Variants in CPEB3 observed in about 807,000 individuals in gnomAD.
CPEB3 encodes the protein cytoplasmic polyadenylation element-binding protein 3.
A neutral mutation model predicts 67.2 loss-of-function variants in CPEB3; 20 were observed. That is an observed-to-expected ratio of 0.30 (90% CI 0.21 to 0.43). The LOEUF is 0.43. Ranked by LOEUF, CPEB3 falls within the 20% of genes least tolerant of loss-of-function variation. The pLI is 1.00. For synonymous variants in CPEB3, 376 were observed against 393.1 expected, an observed-to-expected ratio of 0.96 and a Z score of 0.51; for missense variants, 746 against 968.6, an observed-to-expected ratio of 0.77 and a Z score of 3.05.
At chr10:92,238,714 TAGTG>T (rs1353714614) in intron 2 of CPEB3, among the ~76,000 whole-genome samples, 1 of 152,074 alleles carries the variant, frequency 6.6e-6, no homozygotes, top group Non-Finnish European at 1.5e-5. Context: ...CCTTACACAG[TAGTG>T]AGTGTTTATT....
intron 1 of CPEB3, among the ~76,000 whole-genome samples, chr10:92,261,437 CTGTTTTGTTT>C (rs546721297): frequency 3.3e-5 from 5 of 151,736 alleles, no homozygotes; most frequent in African/African-American, 4.8e-5. Flanking sequence ...GTCCCTTTTT[CTGTTTTGTTT>C]TGTTTTGTTT....
intron 2 of CPEB3, among the ~76,000 whole-genome samples, chr10:92,224,910 A>C (rs1388701688): frequency 6.8e-6 from 1 of 147,690 alleles, no homozygotes; most frequent in Non-Finnish European, 1.5e-5. Context: ...TATATATTTT[A>C]TATATTTAAT....
chr10:92,278,926 T>C (rs902831697), intron 1 of CPEB3, among the ~76,000 whole-genome samples: 3 of 151,986 alleles, frequency 2.0e-5, no homozygotes, highest in African/African-American at 7.3e-5. Context: ...CAGGTGTTTT[T>C]ATTATTTTTT....
chr10:92,154,509 T>C (rs1847113937), intron 4 of CPEB3, among the ~76,000 whole-genome samples: 1 of 152,188 alleles, frequency 6.6e-6, no homozygotes, highest in Admixed American at 6.5e-5. Flanking sequence ...ATGTTCAAGT[T>C]ATCCCCTGCT....
rs1227432795 is a variant in CPEB3 at position 92,046,774 on chromosome 10, G to T, written c.*5438C>A. The T allele has an allele frequency of 1.3e-5, 2 of 152,256 alleles. No individual in the cohort carries two copies. The highest frequency in any genetic ancestry group is 4.8e-5 in the African/African-American group (2 of 41,470). 9.4% of individuals were successfully genotyped at this position (152,256 alleles called of 1,614,324 possible). ...TACAAAGTTTAAGCAGTTGTAAGCA[G>T]TAGCTGCATTGAGCTCCATGTTTAG... On this transcript the variant is annotated 3_prime_UTR_variant, in exon 10 of 10. Coordinates refer to ENST00000265997, the MANE Select transcript of CPEB3 (RefSeq NM_014912.5).
chr10:92,227,999 T>C, intron 2 of CPEB3, among the ~76,000 whole-genome samples: 1 of 152,158 alleles, frequency 6.6e-6, no homozygotes, highest in East Asian at 1.9e-4. Context: ...GCTATTCTCC[T>C]GCCTTAGCCT....
At chr10:92,074,388 A>G (rs1302657614) in intron 9 of CPEB3, among the ~76,000 whole-genome samples, 2 of 152,224 alleles carry the variant, frequency 1.3e-5, no homozygotes, top group East Asian at 3.8e-4. Flanking sequence ...ACCCTCCTGA[A>G]TTTGTATCAT....
At chr10:92,106,814 C>CAAAAAAAAAAAAAA (rs531195477) in intron 7 of CPEB3, among the ~76,000 whole-genome samples, 23 of 55,974 alleles carry the variant, frequency 4.1e-4, no homozygotes, top group African/African-American at 1.5e-3. Flanking sequence ...GACTCTGTCT[C>CAAAAAAAAAAAAAA]AAAAAAAAAA....
chr10:92,276,808 G>A (rs1404029968), intron 1 of CPEB3, among the ~76,000 whole-genome samples: 1 of 152,138 alleles, frequency 6.6e-6, no homozygotes, highest in Non-Finnish European at 1.5e-5. Flanking sequence ...CCCACTAATA[G>A]TACATGAGGG....
chr10:92,084,731 C>T (rs1195811056), intron 8 of CPEB3, among the ~76,000 whole-genome samples: 1 of 152,140 alleles, frequency 6.6e-6, no homozygotes, highest in African/African-American at 2.4e-5. Flanking sequence ...AGGCGCCCGC[C>T]ACCACGCCTG....
At chr10:92,054,953 C>T (rs921045089) in intron 9 of CPEB3, among the ~76,000 whole-genome samples, 3 of 152,080 alleles carry the variant, frequency 2.0e-5, no homozygotes, top group African/African-American at 7.2e-5. Context: ...AAATGTCTAC[C>T]TACAGGGAAA....
chr10:92,247,059 G>A (rs975772992), intron 1 of CPEB3, among the ~76,000 whole-genome samples: 5 of 151,974 alleles, frequency 3.3e-5, no homozygotes, highest in Non-Finnish European at 7.4e-5. Flanking sequence ...CCTAAAATGA[G>A]CCTCAAATCT....
chr10:92,265,206 A>T (rs1852998738), intron 1 of CPEB3, among the ~76,000 whole-genome samples: 2 of 152,072 alleles, frequency 1.3e-5, no homozygotes, highest in South Asian at 4.1e-4. Context: ...ATTTGAAATA[A>T]ATTTCAGAAA....
chr10:92,217,747 C>T (rs1037777145), intron 2 of CPEB3, among the ~76,000 whole-genome samples: 7 of 151,854 alleles, frequency 4.6e-5, no homozygotes, highest in African/African-American at 1.5e-4. Context: ...GGGCAACAAG[C>T]GCAAAACTGC....
intron 1 of CPEB3, among the ~76,000 whole-genome samples, chr10:92,258,625 A>AACTT (rs1554936345): frequency 9.1e-5 from 3 of 32,914 alleles, no homozygotes; most frequent in African/African-American, 5.8e-4. Context: ...ATATTTTTTG[A>AACTT]ATATATATAT....
intron 9 of CPEB3, among the ~76,000 whole-genome samples, chr10:92,063,876 A>T (rs568580658): frequency 6.6e-6 from 1 of 152,314 alleles, no homozygotes; most frequent in East Asian, 1.9e-4. Context: ...ATCAAAGTAG[A>T]CAAGCTGGAA....
rs373912122 is a variant in CPEB3, at chr10:92,271,033, C to T, written c.-12+19893G>A. The stretch of plus-strand genomic sequence containing the variant: ...CTCTACTAAAAATACAAAAATTAGC[C>T]GGGCATGGTGGCAGGCACCTGTAGT... On this transcript the variant is annotated intron_variant, in intron 1 of 9. Transcript: ENST00000265997. Among the ~76,000 whole-genome samples the T allele has an allele frequency of 9.2e-5, 14 of 152,068 alleles. No individual in the cohort carries two copies. In the South Asian group the frequency reaches 1.9e-3, roughly 20 times the overall value.
At chr10:92,246,123 C>T (rs1165466495) in intron 1 of CPEB3, among the ~76,000 whole-genome samples, 1 of 151,874 alleles carries the variant, frequency 6.6e-6, no homozygotes, top group Admixed American at 6.6e-5. Context: ...ATCACGAGGT[C>T]AGCAGATCAA....
chr10:92,271,197 C>G (rs1484447182), intron 1 of CPEB3, among the ~76,000 whole-genome samples: 1 of 152,148 alleles, frequency 6.6e-6, no homozygotes, highest in African/African-American at 2.4e-5. Flanking sequence ...AACAAACAAA[C>G]AAACACCTTT....
Sources: allele counts gnomAD v4.1 joint callset (sites outside exome capture counted in the v4.1 genomes callset), GRCh38; gene constraint gnomAD v4.1.1; transcripts MANE v1.5; gene names NCBI Gene and HGNC (gene_info 2026-07-23, HGNC 2026-07-21).